ZP3: variants seen among roughly 807,000 people sequenced by gnomAD.
ZP3 encodes zona pellucida sperm-binding protein 3.
Under a neutral mutation model 35.6 loss-of-function variants are expected in ZP3, and 21 were observed. That is an observed-to-expected ratio of 0.59 (90% CI 0.42 to 0.85). The LOEUF (loss-of-function observed/expected upper bound fraction) is 0.85. ZP3 is among the 40% of genes least tolerant of loss of function. The pLI is 0.00. For missense variants in ZP3, 437 were observed against 536.5 expected (o/e 0.81, Z 1.83); for synonymous variants, 207 against 214.5 (o/e 0.96, Z 0.31).
At chr7:76,421,144 C>T (rs1375845142), upstream of ZP3, among the ~76,000 whole-genome samples, 1 of 152,096 alleles carries the variant, frequency 6.6e-6, no homozygotes, top group African/African-American at 2.4e-5. Context: ...CCATATTGGC[C>T]AGGCTGGTCT....
chr7:76,435,941 G>C (rs1316527351), intron 5 of ZP3, among the ~76,000 whole-genome samples: 3 of 150,512 alleles, frequency 2.0e-5, no homozygotes, highest in Non-Finnish European at 4.4e-5. Context: ...GGCCAGGCTG[G>C]TCTTGAACTC....
chr7:76,398,309 ATT>A (rs575917641), intron 1 of ZP3, among the ~76,000 whole-genome samples: 1,516 of 127,122 alleles, frequency 0.012, 20 homozygotes, highest in African/African-American at 0.037. Context: ...TTCATTTTCT[ATT>A]TTTTTTTTTT....
At chr7:76,435,128 C>T (rs1490455546) in intron 5 of ZP3, among the ~76,000 whole-genome samples, 5 of 151,614 alleles carry the variant, frequency 3.3e-5, no homozygotes, top group South Asian at 2.1e-4. Context: ...GGGCAGATCA[C>T]GAGGTCAGGA....
intron 5 of ZP3, among the ~76,000 whole-genome samples, chr7:76,434,637 C>CAA (rs3972767): frequency 5.8e-4 from 57 of 97,562 alleles, no homozygotes; most frequent in African/African-American, 1.3e-3. Context: ...ACTCCATCTC[C>CAA]AAAAAAAAAA....
chr7:76,404,190 T>A, intron 1 of ZP3: 1 of 1,380,714 alleles, frequency 7.2e-7, no homozygotes, highest in Non-Finnish European at 9.6e-7. Context: ...AAGGTCAGCA[T>A]TGGAAAGAAC....
chr7:76,406,545 A>G lies in ZP3; in HGVS notation c.-67+8748A>G, dbSNP rs548081698. On this transcript the variant is annotated intron_variant, in intron 1 of 8. Transcript: ENST00000336517. ...GTCACCCAGGCGGCAGTGCAGTGGCATGATCATGGCTCACTGCAACCTCCC... is the reference window on the plus strand; with the variant it reads ...GTCACCCAGGCGGCAGTGCAGTGGCGTGATCATGGCTCACTGCAACCTCCC... Among the ~76,000 whole-genome samples the G allele has an allele frequency of 9.3e-5, 14 of 151,316 alleles. No individual in the cohort carries two copies. In the South Asian group the frequency reaches 2.9e-3, roughly 32 times the overall value.
intron 5 of ZP3, among the ~76,000 whole-genome samples, chr7:76,436,642 GCT>G (rs1806022835): frequency 6.6e-6 from 1 of 152,258 alleles, no homozygotes; most frequent in African/African-American, 2.4e-5. Context: ...ATGGCCTGAA[GCT>G]CTCAGTGGTG....
chr7:76,431,722 AC>A (rs1317682114), intron 2 of ZP3, among the ~76,000 whole-genome samples: 1 of 151,776 alleles, frequency 6.6e-6, no homozygotes, highest in Admixed American at 6.6e-5. Flanking sequence ...ACGTGGTGAA[AC>A]CCCGTCTCTA....
chr7:76,436,084 C>A, intron 5 of ZP3, among the ~76,000 whole-genome samples: 1 of 92,870 alleles, frequency 1.1e-5, no homozygotes, highest in African/African-American at 4.0e-5. Context: ...TTGAGAGGGT[C>A]TCTGTCACCC....
exon 1 of ZP3, chr7:76,397,734 A>C (rs1804687171): frequency 6.2e-7 from 1 of 1,613,292 alleles, no homozygotes; most frequent in Non-Finnish European, 8.5e-7. Flanking sequence ...GGCAGCCCCC[A>C]GTCGTCGTCA....
intron 1 of ZP3, among the ~76,000 whole-genome samples, chr7:76,405,319 A>ATATATATATATT (rs1563687038): frequency 5.5e-5 from 1 of 18,316 alleles, no homozygotes; most frequent in Non-Finnish European, 9.1e-5. Flanking sequence ...ATATATATGT[A>ATATATATATATT]TTTTTTTCTT....
chr7:76,409,863 A>C (rs1009162540), intron 1 of ZP3, among the ~76,000 whole-genome samples: 3 of 146,790 alleles, frequency 2.0e-5, no homozygotes, highest in Non-Finnish European at 3.0e-5. Context: ...TGATCTTTGG[A>C]GGTAGCCCTG....
intron 1 of ZP3, among the ~76,000 whole-genome samples, chr7:76,415,108 G>C (rs1805338223): frequency 6.6e-6 from 1 of 151,536 alleles, no homozygotes; most frequent in Non-Finnish European, 1.5e-5. Flanking sequence ...CAGCGCGGTG[G>C]CTCATGCCTG....
intron 5 of ZP3, among the ~76,000 whole-genome samples, chr7:76,436,835 AG>A (rs1476871920): frequency 9.2e-5 from 14 of 152,370 alleles, no homozygotes; most frequent in African/African-American, 3.1e-4. Flanking sequence ...CAGAGGTGGT[AG>A]CGGTCAGCAT....
chr7:76,414,472 A>G (rs891696858), intron 1 of ZP3, among the ~76,000 whole-genome samples: 2 of 151,972 alleles, frequency 1.3e-5, no homozygotes, highest in African/African-American at 4.8e-5. Flanking sequence ...GCAGCCTGGC[A>G]TGACTGGAGA....
intron 1 of ZP3, among the ~76,000 whole-genome samples, chr7:76,408,395 G>T (rs1018817348): frequency 3.3e-5 from 5 of 152,092 alleles, no homozygotes; most frequent in African/African-American, 7.2e-5. Context: ...TGAGGAGGGG[G>T]AAAGACACAG....
At chr7:76,403,313 G>T (rs139830136) in intron 1 of ZP3, among the ~76,000 whole-genome samples, 2 of 151,812 alleles carry the variant, frequency 1.3e-5, no homozygotes, top group East Asian at 1.9e-4. Context: ...ACTTGTGTAC[G>T]CATTTTACTG....
chr7:76,426,907 C>CACACACACACACACCCACACACACACAA (rs57796274), intron 1 of ZP3, among the ~76,000 whole-genome samples: 1 of 126,870 alleles, frequency 7.9e-6, no homozygotes, highest in Admixed American at 8.3e-5. Context: ...CACACACACA[C>CACACACACACACACCCACACACACACAA]AATAGGGTGT....
chr7:76,407,984 G>T (rs1805096039), intron 1 of ZP3, among the ~76,000 whole-genome samples: 1 of 152,202 alleles, frequency 6.6e-6, no homozygotes, highest in South Asian at 2.1e-4. Flanking sequence ...CGAAGGATAT[G>T]TGGGAGACTG....
Sources: gnomAD v4.1 joint callset for allele counts (sites outside exome capture counted in the v4.1 genomes callset) on GRCh38, gnomAD v4.1.1 for gene constraint, MANE v1.5 for transcripts, NCBI Gene and HGNC (gene_info 2026-07-23, HGNC 2026-07-21) for gene names.